Variants in FBXW8 observed in about 807,000 individuals in gnomAD.
FBXW8 encodes F-box and WD repeat domain containing 8, also known as F-box/WD repeat-containing protein 8.
A neutral mutation model predicts 65.3 loss-of-function variants in FBXW8; 57 were observed. The observed-to-expected ratio is 0.87, with a 90% CI of 0.71 to 1.09. The LOEUF is 1.09. FBXW8 is among the 50% of genes least tolerant of loss of function. The pLI is 0.00. For synonymous variants in FBXW8, 308 were observed against 330.2 expected (o/e 0.93, Z 0.73); for missense variants, 777 against 814.8 (o/e 0.95, Z 0.57).
intron 7 of FBXW8, among the ~76,000 whole-genome samples, chr12:116,997,574 C>T (rs958981944): frequency 6.6e-6 from 1 of 152,160 alleles, no homozygotes; most frequent in African/African-American, 2.4e-5. Flanking sequence ...CCCCCGGTCC[C>T]CCAGCTTTGG....
At chr12:117,022,066 T>C (rs575762394) in intron 8 of FBXW8, among the ~76,000 whole-genome samples, 1 of 152,340 alleles carries the variant, frequency 6.6e-6, no homozygotes, top group East Asian at 1.9e-4. Context: ...TTTCCTCCTT[T>C]TCCTAGGCTG....
chr12:117,000,713 C>CT (rs1953494761), intron 7 of FBXW8, among the ~76,000 whole-genome samples: 1 of 152,236 alleles, frequency 6.6e-6, no homozygotes, highest in Admixed American at 6.5e-5. Flanking sequence ...GTTTGAGCTC[C>CT]TTAGGGCCCC....
chr12:116,947,954 G>GC (rs1883041129), intron 3 of FBXW8, among the ~76,000 whole-genome samples: 2 of 152,140 alleles, frequency 1.3e-5, no homozygotes, highest in African/African-American at 4.8e-5. Context: ...CTGTAGGAGA[G>GC]CATAGGCCTC....
At chr12:116,966,126 G>A (rs1884310887) in intron 5 of FBXW8, among the ~76,000 whole-genome samples, 1 of 152,014 alleles carries the variant, frequency 6.6e-6, no homozygotes, top group Non-Finnish European at 1.5e-5. Context: ...GATGTTAGTA[G>A]ACACTACTGA....
At chr12:116,929,075 G>A (rs1881565866) in intron 2 of FBXW8, among the ~76,000 whole-genome samples, 2 of 152,136 alleles carry the variant, frequency 1.3e-5, no homozygotes, top group Admixed American at 1.3e-4. Flanking sequence ...CAAAGTGCTG[G>A]GATTACAGGC....
intron 5 of FBXW8, among the ~76,000 whole-genome samples, chr12:116,973,111 A>T (rs1343141494): frequency 6.6e-6 from 1 of 152,228 alleles, no homozygotes; most frequent in Non-Finnish European, 1.5e-5. Context: ...CAATATTGAT[A>T]ATAACAGGTT....
intron 1 of FBXW8, among the ~76,000 whole-genome samples, chr12:116,923,062 T>C (rs1351960230): frequency 6.6e-6 from 1 of 151,982 alleles, no homozygotes; most frequent in Admixed American, 6.6e-5. Flanking sequence ...AAAAATTAGC[T>C]AGATGTGGTG....
At chr12:116,934,861 C>T (rs769286629) in intron 2 of FBXW8, among the ~76,000 whole-genome samples, 4 of 152,158 alleles carry the variant, frequency 2.6e-5, no homozygotes, top group Non-Finnish European at 5.9e-5. Context: ...TGACCACCAC[C>T]GCAGTCAACA....
chr12:116,945,316 C>T, intron 2 of FBXW8, 48 bp from the exon 3 acceptor site: 3 of 1,575,680 alleles, frequency 1.9e-6, no homozygotes, highest in Non-Finnish European at 2.6e-6. Context: ...TGACAAGGGG[C>T]TTCTCTAATT....
At chr12:116,983,565 A>G (rs1232223650) in intron 5 of FBXW8, among the ~76,000 whole-genome samples, 2 of 152,202 alleles carry the variant, frequency 1.3e-5, no homozygotes, top group African/African-American at 4.8e-5. Flanking sequence ...ATGATCCTTT[A>G]TAGTAAGATC....
chr12:116,923,178 A>G (rs1593041317), intron 1 of FBXW8, among the ~76,000 whole-genome samples: 1 of 151,936 alleles, frequency 6.6e-6, no homozygotes, highest in Non-Finnish European at 1.5e-5. Context: ...TGCACTCCAG[A>G]CTGGGCGACA....
At position 116,949,686 on chromosome 12, in the gene FBXW8, C is replaced by G. The variant is rs759548178; in HGVS notation, c.657C>G (p.His219Gln). The G allele has an allele frequency of 1.9e-6, 3 of 1,614,168 alleles. No homozygotes were observed. The highest frequency in any genetic ancestry group is 2.5e-6 in the Non-Finnish European group (3 of 1,180,022). Residue 219 changes from histidine to glutamine, a missense_variant, in exon 4 of 11, where the codon CAC (histidine) becomes CAG (glutamine). Transcript: ENST00000652555. ...CAGTTTTGTGTGATGTGCATTCTCA[C>G]GATGGTGTGGTCATTGCGGGGTAAG... ...PDTVLCDVHSHDGVVIAGYTS... is the reference protein window; with the variant it reads ...PDTVLCDVHSQDGVVIAGYTS...
chr12:117,026,858 A>G (rs991073546), intron 9 of FBXW8, among the ~76,000 whole-genome samples: 6 of 152,030 alleles, frequency 3.9e-5, no homozygotes, highest in African/African-American at 1.5e-4. Context: ...ATGAACGCAA[A>G]CCTCTGTTCA....
chr12:117,020,125 C>T (rs1039844303), intron 8 of FBXW8, among the ~76,000 whole-genome samples: 9 of 152,106 alleles, frequency 5.9e-5, no homozygotes, highest in Non-Finnish European at 1.3e-4. Context: ...AGTTCTGCCC[C>T]GGGTCCCACT....
chr12:116,983,492 A>G (rs1885458105), intron 5 of FBXW8, among the ~76,000 whole-genome samples: 1 of 152,206 alleles, frequency 6.6e-6, no homozygotes, highest in Admixed American at 6.5e-5. Context: ...ACAGTTTGGA[A>G]GTCTGGCAAA....
intron 7 of FBXW8, among the ~76,000 whole-genome samples, chr12:117,007,875 G>A (rs935412053): frequency 7.9e-5 from 12 of 152,308 alleles, no homozygotes; most frequent in Non-Finnish European, 1.6e-4. Flanking sequence ...GACTCGTAAC[G>A]TGGAAAGAAC....
At position 116,961,325 on chromosome 12, in the gene FBXW8, A is replaced by T. The variant is rs143272405; in HGVS notation, c.678-3372A>T. ...GTATCTGCACTTTTTAAAGCATTCC[A>T]GGCAAATTTAATGTGCAGCCCAGGC... On this transcript the variant is annotated intron_variant, in intron 4 of 10. Transcript: ENST00000652555. This position sits in a 1 kb window ranked among gnomAD's most constrained non-coding sequence, Gnocchi z 4.4. Among the ~76,000 whole-genome samples the T allele has an allele frequency of 3.9e-5, 6 of 152,250 alleles. No homozygotes were observed. The East Asian group carries it at 1.2e-3, about 29-fold the overall frequency.
chr12:117,019,593 T>C (rs1386220668), intron 8 of FBXW8, among the ~76,000 whole-genome samples: 1 of 152,224 alleles, frequency 6.6e-6, no homozygotes. Flanking sequence ...ATTTCACCTT[T>C]TCTAAGAAAT....
At chr12:116,989,852 AT>A (rs1340106610) in intron 7 of FBXW8, among the ~76,000 whole-genome samples, 1 of 152,188 alleles carries the variant, frequency 6.6e-6, no homozygotes, top group East Asian at 1.9e-4. Flanking sequence ...CAGTTTCCTC[AT>A]TTGTAAAATA....
Sources: gnomAD v4.1 joint callset for allele counts (sites outside exome capture counted in the v4.1 genomes callset) on GRCh38, gnomAD v4.1.1 for gene constraint, Gnocchi (gnomAD v3.1) non-coding constraint, MANE v1.5 for transcripts, NCBI Gene and HGNC (gene_info 2026-07-23, HGNC 2026-07-21) for gene names.